The following ELP4 variants were observed in gnomAD, a reference collection of about 807,000 sequenced individuals.
ELP4 encodes elongator acetyltransferase complex subunit 4, also known as elongator complex protein 4.
ELP4 carries 51 observed loss-of-function variants against 48.9 expected under a neutral mutation model. The observed-to-expected ratio is 1.04, with a 90% CI of 0.83 to 1.32. The LOEUF is 1.32. Ranked by LOEUF, ELP4 falls within the 40% of genes most tolerant of loss-of-function variation. The probability of loss-of-function intolerance (pLI) is 0.00; values close to 1 mark genes in which losing one functional copy is unlikely to be tolerated. For synonymous variants in ELP4, 210 were observed against 189.2 expected (o/e 1.11, Z -0.90); for missense variants, 519 against 514.6 (o/e 1.01, Z -0.08).
intron 1 of ELP4, among the ~76,000 whole-genome samples, chr11:31,516,541 G>A (rs964587880): frequency 2.0e-5 from 3 of 152,152 alleles, no homozygotes; most frequent in Non-Finnish European, 4.4e-5. Context: ...TGTTACCCTG[G>A]CTGGAGTGCA....
chr11:31,627,466 G>A (rs964765127), intron 6 of ELP4, among the ~76,000 whole-genome samples: 8 of 151,940 alleles, frequency 5.3e-5, no homozygotes, highest in African/African-American at 1.9e-4. Flanking sequence ...TAGCATTTGG[G>A]ATTAAGTAGC....
At chr11:31,648,027 A>G (rs1945241850) in intron 8 of ELP4, 178 bp downstream of exon 8, 1 of 469,012 alleles carries the variant, frequency 2.1e-6, no homozygotes. Context: ...CTACATTAAG[A>G]CTATAGACTA....
chr11:31,778,285 A>C (rs1948291413), intron 9 of ELP4, among the ~76,000 whole-genome samples: 4 of 152,172 alleles, frequency 2.6e-5, no homozygotes. Flanking sequence ...AAGTATTTAG[A>C]CTTTTAAAAC....
intron 9 of ELP4, among the ~76,000 whole-genome samples, chr11:31,704,713 G>A (rs1026054422): frequency 1.3e-5 from 2 of 152,054 alleles, no homozygotes; most frequent in African/African-American, 2.4e-5. Context: ...TCTTGTTTAT[G>A]ACTTAAAGAT....
At chr11:31,668,688 G>GTGTGTGTT (rs1945734118) in intron 9 of ELP4, among the ~76,000 whole-genome samples, 1 of 137,160 alleles carries the variant, frequency 7.3e-6, no homozygotes, top group African/African-American at 3.0e-5. Context: ...GTGTGTGTGT[G>GTGTGTGTT]TGTGTGTGTG....
At chr11:31,547,721 C>G (rs1180585349) in intron 3 of ELP4, among the ~76,000 whole-genome samples, 10 of 152,094 alleles carry the variant, frequency 6.6e-5, no homozygotes, top group Admixed American at 1.3e-4. Context: ...GTTGAACATT[C>G]ATGCAAAAAT....
chr11:31,570,399 G>A (rs903566456), intron 3 of ELP4, among the ~76,000 whole-genome samples: 1 of 151,930 alleles, frequency 6.6e-6, no homozygotes, highest in African/African-American at 2.4e-5. Flanking sequence ...CTTCCTATTG[G>A]GCATTATGCT....
chr11:31,650,160 G>A lies in ELP4; in HGVS notation c.1082G>A (p.Cys361Tyr), dbSNP rs760095877. Residue 361 changes from cysteine to tyrosine, a missense_variant, in exon 9 of 10, where the codon TGT (cysteine) becomes TAT (tyrosine). Cys to Tyr is a radical substitution (Grantham distance 194, BLOSUM62 -2). Coordinates refer to ENST00000640961, the MANE Select transcript of ELP4 (RefSeq NM_019040.5). Reference sequence around the variant, plus strand: ...ATTCCTCGGCTTAATAACTTGATCTGTGATGAATCAGATGTCAAAGACTTA... The same window carrying A: ...ATTCCTCGGCTTAATAACTTGATCTATGATGAATCAGATGTCAAAGACTTA... ...RQIPRLNNLICDESDVKDLAF... is the reference protein window; with the variant it reads ...RQIPRLNNLIYDESDVKDLAF... 1.3e-6 allele frequency: 2 copies of A among 1,542,172 alleles called. No homozygotes were observed. Among genetic ancestry groups the A allele is most frequent in the African/African-American group, 2.7e-5 (2 of 73,270 alleles).
In ELP4 at chr11:31,703,134, A is replaced by G. The variant is rs189882238; in HGVS notation, c.1143+52913A>G. ...TTACTTTGTACTTGACTTGCTAAGC[A>G]TGACACATGCAGAGGATCCAGTGAC... is the stretch of plus-strand genomic sequence containing the variant. On this transcript the variant is annotated intron_variant, in intron 9 of 9. Coordinates refer to ENST00000640961, the MANE Select transcript of ELP4 (RefSeq NM_019040.5). Among the ~76,000 whole-genome samples, 95 of 152,306 alleles carry G rather than the reference A, an allele frequency of 6.2e-4. 1 individual carries two copies. Among genetic ancestry groups the G allele is most frequent in the African/African-American group, 2.1e-3 (86 of 41,574 alleles).
At chr11:31,726,120 T>C (rs1222609978) in intron 9 of ELP4, among the ~76,000 whole-genome samples, 5 of 151,960 alleles carry the variant, frequency 3.3e-5, no homozygotes, top group Admixed American at 1.3e-4. Context: ...ATCTGGAAAA[T>C]TGAGGAACAG....
At chr11:31,610,665 A>G (rs1957962854) in intron 5 of ELP4, among the ~76,000 whole-genome samples, 1 of 152,162 alleles carries the variant, frequency 6.6e-6, no homozygotes, top group Non-Finnish European at 1.5e-5. Context: ...ATTTTGACCA[A>G]TGGAGAGAAA....
intron 4 of ELP4, among the ~76,000 whole-genome samples, chr11:31,603,071 G>A (rs1957811587): frequency 2.0e-5 from 3 of 151,856 alleles, no homozygotes; most frequent in Admixed American, 1.3e-4. Context: ...AAGATAATTT[G>A]TTAGAGAAAT....
chr11:31,695,427 T>C (rs1946379825), intron 9 of ELP4, among the ~76,000 whole-genome samples: 1 of 152,188 alleles, frequency 6.6e-6, no homozygotes, highest in South Asian at 2.1e-4. Flanking sequence ...ATGTGGTTTT[T>C]GTCTTTGGTT....
intron 9 of ELP4, among the ~76,000 whole-genome samples, chr11:31,729,410 G>A (rs926391627): frequency 3.3e-5 from 5 of 152,072 alleles, no homozygotes; most frequent in African/African-American, 1.2e-4. Context: ...TGAAATAATA[G>A]GCAAATAATC....
chr11:31,714,660 T>C (rs1292730056), intron 9 of ELP4: 1 of 398,580 alleles, frequency 2.5e-6, no homozygotes, highest in Non-Finnish European at 4.4e-6. Flanking sequence ...TCAGCACAGC[T>C]ACGTTCCTCC....
At chr11:31,546,783 G>A (rs1195639415) in intron 3 of ELP4, among the ~76,000 whole-genome samples, 8 of 151,964 alleles carry the variant, frequency 5.3e-5, no homozygotes, top group Admixed American at 3.3e-4. Flanking sequence ...ATAACAAACT[G>A]TCTCTCAGAC....
At chr11:31,772,267 C>T (rs1948162007) in intron 9 of ELP4, among the ~76,000 whole-genome samples, 2 of 152,012 alleles carry the variant, frequency 1.3e-5, no homozygotes, top group African/African-American at 4.8e-5. Flanking sequence ...AGCGGGGATT[C>T]CAGGCATGCA....
chr11:31,599,050 A>T (rs538214051), intron 4 of ELP4: 2 of 152,246 alleles, frequency 1.3e-5, no homozygotes, highest in African/African-American at 4.8e-5. Context: ...TATCTAATTT[A>T]TTATTATCAT....
intron 7 of ELP4, among the ~76,000 whole-genome samples, chr11:31,636,053 A>C (rs1340124953): frequency 6.6e-6 from 1 of 152,014 alleles, no homozygotes; most frequent in African/African-American, 2.4e-5. Context: ...TTAGGGTTTA[A>C]ATGGTGATTG....
Sources: allele counts gnomAD v4.1 joint callset (sites outside exome capture counted in the v4.1 genomes callset), GRCh38; gene constraint gnomAD v4.1.1; transcripts MANE v1.5; gene names NCBI Gene and HGNC (gene_info 2026-07-23, HGNC 2026-07-21).